Variants in RABGAP1L observed in about 807,000 individuals in gnomAD.
The protein encoded by RABGAP1L is RAB GTPase activating protein 1 like, also known as rab GTPase-activating protein 1-like.
RABGAP1L carries 63 observed loss-of-function variants against 137.7 expected under a neutral mutation model. The observed-to-expected ratio is 0.46, with a 90% CI of 0.37 to 0.56. The LOEUF is 0.56. Among genes scored for constraint, RABGAP1L ranks in the 20% least tolerant of loss-of-function variants. The pLI is 0.00. For missense variants in RABGAP1L, 1,095 were observed against 1,244.0 expected, an observed-to-expected ratio of 0.88 and a Z score of 1.80; for synonymous variants, 431 against 433.7, an observed-to-expected ratio of 0.99 and a Z score of 0.08.
intron 13 of RABGAP1L, among the ~76,000 whole-genome samples, chr1:174,541,909 A>G (rs769790013): frequency 1.3e-5 from 2 of 152,192 alleles, no homozygotes; most frequent in Non-Finnish European, 2.9e-5. Flanking sequence ...TGATTTGCGT[A>G]TGTTGAACTA....
chr1:174,633,039 C>T (rs1673570295), intron 13 of RABGAP1L, among the ~76,000 whole-genome samples: 2 of 152,038 alleles, frequency 1.3e-5, no homozygotes, highest in African/African-American at 2.4e-5. Flanking sequence ...CCAGGGCAGT[C>T]AGGCAGGAGA....
At chr1:174,544,298 T>G (rs527262022) in intron 13 of RABGAP1L, among the ~76,000 whole-genome samples, 3 of 152,324 alleles carry the variant, frequency 2.0e-5, no homozygotes, top group Admixed American at 6.5e-5. Flanking sequence ...TCATTTCTTT[T>G]TACTCTTTTT....
chr1:174,191,667 C>T (rs1024749681), intron 1 of RABGAP1L, among the ~76,000 whole-genome samples: 8 of 152,208 alleles, frequency 5.3e-5, no homozygotes, highest in African/African-American at 1.9e-4. Context: ...CTGTTGCTTT[C>T]TTCTTGGCTT....
chr1:174,810,815 C>T (rs1689796238), intron 18 of RABGAP1L, among the ~76,000 whole-genome samples: 1 of 151,910 alleles, frequency 6.6e-6, no homozygotes, highest in Non-Finnish European at 1.5e-5. Flanking sequence ...AAAAAATAAC[C>T]TTCAGGTTAC....
chr1:174,541,196 A>T (rs1000769910), intron 13 of RABGAP1L, among the ~76,000 whole-genome samples: 24 of 152,284 alleles, frequency 1.6e-4, no homozygotes, highest in Admixed American at 1.1e-3. Context: ...TTGGGCTGAG[A>T]TGATGGGGTT....
chr1:174,973,879 A>G (rs1406496681), intron 21 of RABGAP1L, among the ~76,000 whole-genome samples: 2 of 152,056 alleles, frequency 1.3e-5, no homozygotes, highest in African/African-American at 4.8e-5. Context: ...AGCAGGGCTC[A>G]AACATTCTGG....
chr1:174,480,789 G>A (rs540311964), intron 13 of RABGAP1L, among the ~76,000 whole-genome samples: 7 of 152,308 alleles, frequency 4.6e-5, no homozygotes, highest in South Asian at 2.1e-4. Context: ...ACATGCCATC[G>A]GGGCAATTAA....
At chr1:174,755,855 C>A (rs964467261) in intron 18 of RABGAP1L, among the ~76,000 whole-genome samples, 1 of 152,100 alleles carries the variant, frequency 6.6e-6, no homozygotes. Flanking sequence ...TTCAGTATAT[C>A]GTGAATATCT....
chr1:174,715,810 T>C (rs2148572418), intron 17 of RABGAP1L, among the ~76,000 whole-genome samples: 1 of 152,348 alleles, frequency 6.6e-6, no homozygotes, highest in South Asian at 2.1e-4. Flanking sequence ...TCTGTTGATC[T>C]CATATCCCAG....
intron 13 of RABGAP1L, among the ~76,000 whole-genome samples, chr1:174,620,695 A>G (rs1672370905): frequency 6.6e-6 from 1 of 152,212 alleles, no homozygotes; most frequent in Admixed American, 6.5e-5. Context: ...AAGATCTAAA[A>G]TTGACACCCT....
chr1:174,457,938 T>G (rs1656227690), intron 13 of RABGAP1L, among the ~76,000 whole-genome samples: 2 of 152,198 alleles, frequency 1.3e-5, no homozygotes, highest in Admixed American at 1.3e-4. Flanking sequence ...AATCATATGA[T>G]GTAGGCCTAA....
rs3085670 is a variant in RABGAP1L at position 174,784,011 on chromosome 1, C to CTTTTT, written c.2212-27798_2212-27794dup. On this transcript the variant is annotated intron_variant, in intron 18 of 25. Coordinates refer to ENST00000681986, the MANE Select transcript of RABGAP1L (RefSeq NM_001366446.1). ...GCCGTGAGTTTTTCTTCTTCTTCTT[C>CTTTTT]TTTTTTTTTTTTTTTTTTTTTTTTT... is the stretch of plus-strand genomic sequence containing the variant. Among the ~76,000 whole-genome samples, 140 of 52,164 alleles carry CTTTTT rather than the reference C, an allele frequency of 2.7e-3. 9 individuals are homozygous for CTTTTT. Among genetic ancestry groups the CTTTTT allele is most frequent in the African/African-American group, 7.2e-3 (98 of 13,562 alleles). 34.2% of individuals were successfully genotyped at this position (52,164 alleles called of 152,430 possible). A position where few individuals can be genotyped will look rare whatever the true frequency, so the allele number is the denominator to read the frequency against.
At chr1:174,367,780 A>G in intron 11 of RABGAP1L, 1 of 197,732 alleles carries the variant, frequency 5.1e-6, no homozygotes, top group Admixed American at 4.8e-5. Context: ...GTCTCTTTCC[A>G]GGCATTACTC....
intron 12 of RABGAP1L, among the ~76,000 whole-genome samples, chr1:174,386,375 A>G (rs1356636114): frequency 3.0e-4 from 46 of 152,240 alleles, no homozygotes; most frequent in Non-Finnish European, 4.4e-5. Context: ...AACTTGCTCA[A>G]GATCTCACAG....
At chr1:174,833,016 C>G (rs1055901246) in intron 19 of RABGAP1L, among the ~76,000 whole-genome samples, 1 of 152,104 alleles carries the variant, frequency 6.6e-6, no homozygotes, top group African/African-American at 2.4e-5. Context: ...CTAATGAAGG[C>G]TACTTGGCTA....
intron 13 of RABGAP1L, among the ~76,000 whole-genome samples, chr1:174,568,812 A>G (rs1007648071): frequency 1.3e-5 from 2 of 152,246 alleles, no homozygotes; most frequent in African/African-American, 2.4e-5. Context: ...TGTTTACACT[A>G]TGCAGATAAT....
chr1:174,652,732 C>T (rs778167700), intron 14 of RABGAP1L, among the ~76,000 whole-genome samples: 2 of 152,114 alleles, frequency 1.3e-5, no homozygotes, highest in Non-Finnish European at 2.9e-5. Flanking sequence ...AGATGTCTGT[C>T]GACCCCTGCT....
chr1:174,282,500 T>G (rs1675664921), intron 10 of RABGAP1L, among the ~76,000 whole-genome samples: 1 of 152,250 alleles, frequency 6.6e-6, no homozygotes, highest in Non-Finnish European at 1.5e-5. Context: ...AAGAGTTGTT[T>G]ATATTTTCTG....
At chr1:174,306,698 C>CT (rs964328955) in intron 11 of RABGAP1L, among the ~76,000 whole-genome samples, 9 of 151,812 alleles carry the variant, frequency 5.9e-5, no homozygotes, top group East Asian at 1.9e-4. Flanking sequence ...CTTACCACTG[C>CT]TTTTTTTTGG....
Sources: allele counts gnomAD v4.1 joint callset (sites outside exome capture counted in the v4.1 genomes callset), GRCh38; gene constraint gnomAD v4.1.1; transcripts MANE v1.5; gene names NCBI Gene and HGNC (gene_info 2026-07-23, HGNC 2026-07-21).